Variants in ABCA9 observed in about 807,000 individuals in gnomAD.
The protein encoded by ABCA9 is ATP-binding cassette sub-family A member 9.
ABCA9 carries 183 observed loss-of-function variants against 205.3 expected under a neutral mutation model. The ratio of observed to expected loss-of-function variants is 0.89; its 90% CI spans 0.79 to 1.01. The LOEUF (loss-of-function observed/expected upper bound fraction) is 1.01, where lower values mean the gene tolerates loss of function less well. Ranked by LOEUF, ABCA9 falls within the 50% of genes least tolerant of loss-of-function variation. The probability of loss-of-function intolerance (pLI) is 0.00; values close to 1 mark genes in which losing one functional copy is unlikely to be tolerated. For synonymous variants in ABCA9, 651 were observed against 683.3 expected (o/e 0.95, Z 0.74); for missense variants, 1,805 against 1,912.4 (o/e 0.94, Z 1.05).
intron 6 of ABCA9, among the ~76,000 whole-genome samples, 159 bp from the exon 7 acceptor site, chr17:69,035,960 A>G (rs996971851): frequency 2.6e-5 from 4 of 152,226 alleles, no homozygotes; most frequent in Admixed American, 2.0e-4. Flanking sequence ...ATCACATAAT[A>G]TAAAAGAAGG....
At chr17:68,992,912 TAA>T in intron 27 of ABCA9, 102 bp downstream of exon 27, 1 of 922,040 alleles carries the variant, frequency 1.1e-6, no homozygotes, top group Non-Finnish European at 1.7e-6. Flanking sequence ...TTCAAATGCC[TAA>T]AATGTCCAAA....
At chr17:69,047,868 G>A (rs1479515742) in intron 3 of ABCA9, among the ~76,000 whole-genome samples, 2 of 152,152 alleles carry the variant, frequency 1.3e-5, no homozygotes, top group African/African-American at 4.8e-5. Flanking sequence ...CCCTGTCTTT[G>A]TTCGTGGCTC....
intron 31 of ABCA9, 90 bp from the exon 32 acceptor site, chr17:68,986,414 T>G (rs1453692573): frequency 9.3e-6 from 12 of 1,292,928 alleles, no homozygotes; most frequent in Admixed American, 7.6e-5. Context: ...TGCCCTTCTC[T>G]TCACACACAC....
Position 68,975,839 on chromosome 17 carries a change from A to G in ABCA9, c.*76T>C. 9.3e-7 allele frequency: 1 copy of G among 1,081,078 alleles called. No individual in the cohort carries two copies. The highest frequency in any genetic ancestry group is 1.4e-6 in the Non-Finnish European group (1 of 727,794). The allele number at this position is 1,081,078 out of a possible 1,614,324, so 67.0% of individuals were successfully genotyped here. A position where few individuals can be genotyped will look rare whatever the true frequency, so the allele number is the denominator to read the frequency against. ...ATGCATTTTGTACCACCTCTGATAT[A>G]AGGCATATTAAGGCTATAAAATATT... On this transcript the variant is annotated 3_prime_UTR_variant, in exon 39 of 39. Coordinates refer to ENST00000340001, the MANE Select transcript of ABCA9 (RefSeq NM_080283.4).
chr17:68,985,140 A>G lies in ABCA9; in HGVS notation c.4209-12T>C, dbSNP rs758480737. The G allele has an allele frequency of 2.7e-5, 44 of 1,614,094 alleles. No individual in the cohort carries two copies. In the African/African-American group the frequency reaches 4.9e-4, roughly 18 times the overall value. Reference sequence around the variant, plus strand: ...GCGCATCCACTAACCTGAAGAAAACAGAGTCAATCCACATAATCCCAACAC... The same window carrying G: ...GCGCATCCACTAACCTGAAGAAAACGGAGTCAATCCACATAATCCCAACAC... On this transcript the variant is annotated splice_polypyrimidine_tract_variant and intron_variant, in intron 32 of 38. Transcript: ENST00000340001.
chr17:69,033,977 A>G, intron 8 of ABCA9, 104 bp from the exon 9 acceptor site: 3 of 936,504 alleles, frequency 3.2e-6, no homozygotes, highest in Non-Finnish European at 4.9e-6. Context: ...TAAATAAGAT[A>G]TAATCTTGTC....
chr17:69,041,660 C>T (rs568233295), intron 6 of ABCA9, among the ~76,000 whole-genome samples: 75 of 151,924 alleles, frequency 4.9e-4, no homozygotes, highest in Non-Finnish European at 9.3e-4. Context: ...GCCAAGATCA[C>T]GCCACTGCAC....
intron 1 of ABCA9, chr17:69,051,656 A>G (rs762929207): frequency 6.5e-6 from 1 of 152,898 alleles, no homozygotes; most frequent in African/African-American, 2.4e-5. Context: ...GGTGTTAATA[A>G]AACAAATTTT....
chr17:69,077,216 T>C, the ABCA9 span, among the ~76,000 whole-genome samples: 6 of 152,196 alleles, frequency 3.9e-5, no homozygotes, highest in African/African-American at 4.8e-5. Flanking sequence ...TATCTCTGTT[T>C]TCATTTATTT....
At chr17:69,066,095 G>A in the ABCA9 span, among the ~76,000 whole-genome samples, 4 of 152,316 alleles carry the variant, frequency 2.6e-5, 1 homozygote, top group South Asian at 8.3e-4. Flanking sequence ...AGCAACGTGA[G>A]AACGAACTGA....
chr17:69,062,891 C>A (rs1403356140), upstream of ABCA9, among the ~76,000 whole-genome samples: 1 of 148,016 alleles, frequency 6.8e-6, no homozygotes, highest in East Asian at 2.0e-4. Context: ...AATGAAATGA[C>A]ACTGATTTTA....
intron 15 of ABCA9, 89 bp downstream of exon 15, chr17:69,026,887 C>T: frequency 6.7e-7 from 1 of 1,487,488 alleles, no homozygotes; most frequent in Non-Finnish European, 9.1e-7. Context: ...ATGGCAGTTC[C>T]AGGGAGACAC....
At chr17:69,014,687 C>A (rs186572723) in intron 22 of ABCA9, among the ~76,000 whole-genome samples, 1 of 151,980 alleles carries the variant, frequency 6.6e-6, no homozygotes, top group Non-Finnish European at 1.5e-5. Context: ...ATCTCCTTCA[C>A]ATCCCCAAAC....
chr17:69,037,735 T>C (rs988272494), intron 6 of ABCA9, among the ~76,000 whole-genome samples: 3 of 151,628 alleles, frequency 2.0e-5, no homozygotes, highest in Non-Finnish European at 4.4e-5. Flanking sequence ...CTGAAGGGGA[T>C]AGAGACATGA....
At chr17:69,003,421 T>C (rs1427964507) in intron 25 of ABCA9, among the ~76,000 whole-genome samples, 14 of 141,754 alleles carry the variant, frequency 9.9e-5, no homozygotes, top group African/African-American at 3.5e-4. Context: ...AAAATTCTTT[T>C]CTTTAAGAAT....
the ABCA9 span, among the ~76,000 whole-genome samples, chr17:69,068,647 A>G: frequency 1.3e-5 from 2 of 152,348 alleles, no homozygotes; most frequent in Non-Finnish European, 2.9e-5. Flanking sequence ...AAATAGATAT[A>G]TCTTTACCCC....
intron 1 of ABCA9, among the ~76,000 whole-genome samples, chr17:69,058,188 G>A (rs922632556): frequency 1.3e-5 from 2 of 152,172 alleles, no homozygotes; most frequent in African/African-American, 4.8e-5. Context: ...CACAAGGCCA[G>A]TTGACTAATA....
At chr17:69,054,698 A>G (rs1479367467) in intron 1 of ABCA9, among the ~76,000 whole-genome samples, 1 of 152,024 alleles carries the variant, frequency 6.6e-6, no homozygotes, top group Admixed American at 6.6e-5. Flanking sequence ...ATGTTTATAT[A>G]TGTATATAAT....
chr17:68,983,579 C>A, intron 36 of ABCA9, 130 bp downstream of exon 36: 1 of 1,303,710 alleles, frequency 7.7e-7, no homozygotes, highest in Non-Finnish European at 1.0e-6. Context: ...AATTGAATTT[C>A]TCTTAAGTAA....
Sources: gnomAD v4.1 joint callset for allele counts (sites outside exome capture counted in the v4.1 genomes callset) on GRCh38, gnomAD v4.1.1 for gene constraint, MANE v1.5 for transcripts, NCBI Gene and HGNC (gene_info 2026-07-23, HGNC 2026-07-21) for gene names.